RAD23B: variants seen among roughly 807,000 people sequenced by gnomAD.
RAD23B encodes the protein lysine-specific demethylase RAD23B.
A neutral mutation model predicts 49.1 loss-of-function variants in RAD23B; 5 were observed. That is an observed-to-expected ratio of 0.10 (90% CI 0.05 to 0.21). RAD23B has a LOEUF of 0.21. RAD23B is among the 10% of genes least tolerant of loss of function. The pLI is 1.00. For missense variants in RAD23B, 356 were observed against 486.7 expected (o/e 0.73, Z 2.53); for synonymous variants, 184 against 165.4 (o/e 1.11, Z -0.86).
intron 1 of RAD23B, among the ~76,000 whole-genome samples, chr9:107,285,815 G>A (rs760233635): frequency 6.6e-6 from 1 of 152,162 alleles, no homozygotes; most frequent in African/African-American, 2.4e-5. Context: ...TATATGGAAC[G>A]TTTGCATTTA....
At position 107,306,297 on chromosome 9, in the gene RAD23B, A is replaced by G. The variant is rs1251140071; in HGVS notation, c.229-82A>G. On this transcript the variant is annotated intron_variant, in intron 3 of 9. Transcript: ENST00000358015. The stretch of plus-strand genomic sequence containing the variant: ...TTGTTATTAGTGCTATGTTTGTGGC[A>G]TCCTGTAACGGTACAGTCTAATTAG... 9 of 1,373,540 alleles carry G rather than the reference A, an allele frequency of 6.6e-6. No individual in the cohort carries two copies. In the South Asian group the frequency reaches 9.7e-5, roughly 15 times the overall value. 85.1% of individuals were successfully genotyped at this position (1,373,540 alleles called of 1,614,324 possible).
Position 107,290,373 on chromosome 9 carries a change from T to C in RAD23B, c.66+6678T>C, listed in dbSNP as rs1043407762. Among the ~76,000 whole-genome samples the C allele has an allele frequency of 4.6e-5, 7 of 152,164 alleles. No individual in the cohort carries two copies. The South Asian group carries it at 1.5e-3, about 32-fold the overall frequency. ...TTCCCATTTCTAGGGTATACAAACA[T>C]TTTTCCCCATCTTAATGATACACTC... On this transcript the variant is annotated intron_variant, in intron 1 of 9. Transcript: ENST00000358015.
chr9:107,283,286 G>T lies in RAD23B; in HGVS notation c.-344G>T. ...GAGGGGGCACGTCTCGGCGAGTCAC[G>T]ATGATGGCGGCCACCATCCTGTGGT... On this transcript the variant is annotated 5_prime_UTR_variant, in exon 1 of 10. Coordinates refer to ENST00000358015, the MANE Select transcript of RAD23B (RefSeq NM_002874.5). 1 of 402,958 alleles carries T rather than the reference G, an allele frequency of 2.5e-6. No homozygotes were observed. The highest frequency in any genetic ancestry group is 4.4e-6 in the Non-Finnish European group (1 of 229,288). 25.0% of individuals were successfully genotyped at this position (402,958 alleles called of 1,614,324 possible). A position where few individuals can be genotyped will look rare whatever the true frequency, so the allele number is the denominator to read the frequency against.
At chr9:107,324,213 T>G (rs1587864470) in intron 8 of RAD23B, among the ~76,000 whole-genome samples, 196 bp downstream of exon 8, 1 of 152,234 alleles carries the variant, frequency 6.6e-6, no homozygotes, top group East Asian at 1.9e-4. Context: ...TGGGTTAAAT[T>G]AAGTTGACCA....
At position 107,302,659 on chromosome 9, in the gene RAD23B, TG is replaced by T. The variant is rs1473597226; in HGVS notation, c.228+546del. 4.1e-4 allele frequency among the ~76,000 whole-genome samples: 39 copies of T among 95,850 alleles called. 1 individual carries two copies. The highest frequency in any genetic ancestry group is 1.3e-3 in the African/African-American group (38 of 28,154). The allele number at this position is 95,850 out of a possible 152,430, so 62.9% of individuals were successfully genotyped here. On this transcript the variant is annotated intron_variant, in intron 3 of 9. Coordinates refer to ENST00000358015, the MANE Select transcript of RAD23B (RefSeq NM_002874.5). ...GAGGAAGTTTTTTTTGTTTTTGTTT[TG>T]TTTTTTTTTTTTTGAGACGGAGTCT...
At chr9:107,308,209 ATTAACTCCATTT>A (rs1413560350) in intron 4 of RAD23B, among the ~76,000 whole-genome samples, 1 of 120,156 alleles carries the variant, frequency 8.3e-6, no homozygotes, top group African/African-American at 3.3e-5. Context: ...TTCTTTCTTC[ATTAACTCCATTT>A]TTTTTTTTTT....
chr9:107,321,898 G>A (rs935894835), intron 6 of RAD23B, 85 bp from the exon 7 acceptor site: 1 of 1,309,706 alleles, frequency 7.6e-7, no homozygotes, highest in African/African-American at 1.5e-5. Context: ...CAAACAAGAT[G>A]TTAAATAGAC....
intron 9 of RAD23B, among the ~76,000 whole-genome samples, chr9:107,327,572 C>T (rs1406804320): frequency 1.3e-5 from 2 of 152,140 alleles, no homozygotes; most frequent in African/African-American, 4.8e-5. Context: ...TTATGAATTT[C>T]CCACATTTTC....
At chr9:107,328,192 T>C (rs1371261103) in intron 9 of RAD23B, among the ~76,000 whole-genome samples, 1 of 152,222 alleles carries the variant, frequency 6.6e-6, no homozygotes, top group African/African-American at 2.4e-5. Flanking sequence ...TTCTTCTGCT[T>C]TCATAGATGA....
intron 1 of RAD23B, among the ~76,000 whole-genome samples, chr9:107,295,442 G>A (rs1238658792): frequency 6.6e-6 from 1 of 152,286 alleles, no homozygotes; most frequent in South Asian, 2.1e-4. Flanking sequence ...AAATAATTAG[G>A]TTTGAAAGAA....
rs868532415 is a variant in RAD23B at position 107,283,677 on chromosome 9, C to T, written c.48C>T (p.Asp16=). ...KTLQQQTFKI[D]IDPEETVKAL... is the part of the protein sequence containing the mutation. ...TCCAGCAGCAGACCTTCAAGATAGA[C>T]ATTGACCCCGAGGAGACGGTATGCG... Residue 16 remains aspartate, a synonymous_variant, in exon 1 of 10, where the codon GAC becomes GAT. Transcript: ENST00000358015. The T allele has an allele frequency of 4.1e-6, 6 of 1,478,764 alleles. No individual in the cohort carries two copies. Among genetic ancestry groups the T allele is most frequent in the East Asian group, 3.1e-5 (1 of 32,028 alleles). 91.6% of individuals were successfully genotyped at this position (1,478,764 alleles called of 1,614,324 possible). A position where few individuals can be genotyped will look rare whatever the true frequency, so the allele number is the denominator to read the frequency against.
chr9:107,327,298 G>C (rs1438014442), intron 9 of RAD23B, among the ~76,000 whole-genome samples: 1 of 151,908 alleles, frequency 6.6e-6, no homozygotes, highest in Non-Finnish European at 1.5e-5. Flanking sequence ...CCTCTTGCTT[G>C]CTTCTAGTTT....
chr9:107,298,368 C>A (rs773203629), intron 1 of RAD23B, among the ~76,000 whole-genome samples: 2 of 151,562 alleles, frequency 1.3e-5, no homozygotes, highest in Non-Finnish European at 2.9e-5. Context: ...GGCTGGAGTG[C>A]AGTGGTATGA....
intron 3 of RAD23B, among the ~76,000 whole-genome samples, chr9:107,305,722 A>G (rs947908638): frequency 1.3e-5 from 2 of 152,064 alleles, no homozygotes; most frequent in Non-Finnish European, 2.9e-5. Flanking sequence ...GTTGATTTGT[A>G]GTCAATTTTG....
chr9:107,314,083 T>G (rs1826944009), intron 5 of RAD23B, among the ~76,000 whole-genome samples: 1 of 152,214 alleles, frequency 6.6e-6, no homozygotes, highest in South Asian at 2.1e-4. Context: ...TGCATTATCC[T>G]TATCCACCTG....
intron 6 of RAD23B, among the ~76,000 whole-genome samples, chr9:107,319,291 C>T (rs1481964199): frequency 2.0e-5 from 3 of 151,878 alleles, no homozygotes; most frequent in East Asian, 1.9e-4. Flanking sequence ...CCACCATGCT[C>T]GGCTAATTTT....
intron 9 of RAD23B, among the ~76,000 whole-genome samples, chr9:107,326,596 CTT>C (rs1827208103): frequency 1.6e-5 from 2 of 127,978 alleles, no homozygotes; most frequent in African/African-American, 2.8e-5. Flanking sequence ...GATTCAGTCT[CTT>C]GTTACTTGTC....
At chr9:107,325,984 G>A (rs181118584) in intron 9 of RAD23B, among the ~76,000 whole-genome samples, 1 of 152,194 alleles carries the variant, frequency 6.6e-6, no homozygotes, top group Admixed American at 6.5e-5. Context: ...TTATTAAGAT[G>A]ATCATGTGAT....
Position 107,306,440 on chromosome 9 carries a change from C to T in RAD23B, c.290C>T (p.Thr97Ile), listed in dbSNP as rs1826774228. 6.2e-7 allele frequency: 1 copy of T among 1,614,108 alleles called. No homozygotes were observed. The highest frequency in any genetic ancestry group is 1.1e-5 in the South Asian group (1 of 91,086). The change falls in exon 4 of 10, where the codon ACA becomes ATA. Residue 97 changes from threonine (T) to isoleucine (I), a missense_variant. Around this residue, in one of 5 missense-constraint regions of RAD23B, gnomAD observed 137 missense variants for 122.0 expected, o/e 1.12. Transcript: ENST00000358015. ...CAGCAGTCAGCTCCTGCCAGCACTA[C>T]AGCAGTTACTTCCTCCACCACCACA... ...TTQQSAPAST[T>I]AVTSSTTTTV...
Sources: allele counts gnomAD v4.1 joint callset (sites outside exome capture counted in the v4.1 genomes callset), GRCh38; gene constraint gnomAD v4.1.1; regional missense constraint gnomAD v4.1.1; transcripts MANE v1.5; gene names NCBI Gene and HGNC (gene_info 2026-07-23, HGNC 2026-07-21).